Variants in CPQ observed in about 807,000 individuals in gnomAD.
CPQ encodes the protein carboxypeptidase Q.
CPQ carries 37 observed loss-of-function variants against 45.7 expected under a neutral mutation model. The observed-to-expected ratio is 0.81, with a 90% CI of 0.62 to 1.07. The LOEUF (loss-of-function observed/expected upper bound fraction) is 1.07. CPQ is among the 50% of genes least tolerant of loss of function. The probability of loss-of-function intolerance (pLI) is 0.00; values close to 1 mark genes in which losing one functional copy is unlikely to be tolerated. For synonymous variants in CPQ, 186 were observed against 205.8 expected, an observed-to-expected ratio of 0.90 and a Z score of 0.82; for missense variants, 537 against 572.9, an observed-to-expected ratio of 0.94 and a Z score of 0.64.
intron 1 of CPQ, among the ~76,000 whole-genome samples, chr8:96,686,744 CTT>C (rs1325379069): frequency 1.3e-5 from 2 of 151,950 alleles, no homozygotes; most frequent in East Asian, 3.9e-4. Flanking sequence ...CTCTACAACA[CTT>C]TGAATGGCAT....
At chr8:96,668,190 T>TA (rs1407870303) in intron 1 of CPQ, among the ~76,000 whole-genome samples, 1 of 152,238 alleles carries the variant, frequency 6.6e-6, no homozygotes, top group African/African-American at 2.4e-5. Flanking sequence ...TTCTAGGACA[T>TA]ATGGGTAACT....
chr8:97,069,513 T>G (rs993208016), intron 7 of CPQ, among the ~76,000 whole-genome samples: 1 of 151,460 alleles, frequency 6.6e-6, no homozygotes, highest in Non-Finnish European at 1.5e-5. Flanking sequence ...CATATTTGGG[T>G]TCTTCATCTT....
intron 5 of CPQ, among the ~76,000 whole-genome samples, chr8:96,996,596 T>G (rs1408145834): frequency 6.6e-6 from 1 of 152,056 alleles, no homozygotes; most frequent in Non-Finnish European, 1.5e-5. Context: ...GAAATATATT[T>G]TAGGAGTCAA....
intron 4 of CPQ, among the ~76,000 whole-genome samples, chr8:96,955,910 C>T (rs1813349637): frequency 6.6e-6 from 1 of 152,098 alleles, no homozygotes; most frequent in Non-Finnish European, 1.5e-5. Flanking sequence ...AGACCCAAAA[C>T]CATAAAAACC....
chr8:96,987,531 A>G (rs1472518322), intron 5 of CPQ, among the ~76,000 whole-genome samples: 1 of 152,196 alleles, frequency 6.6e-6, no homozygotes, highest in Non-Finnish European at 1.5e-5. Context: ...GAGGAGGGAC[A>G]TTTGGGATGC....
At chr8:97,030,776 TA>T (rs1441490573) in intron 6 of CPQ, among the ~76,000 whole-genome samples, 3 of 152,234 alleles carry the variant, frequency 2.0e-5, no homozygotes, top group Non-Finnish European at 4.4e-5. Context: ...CACTGACGAT[TA>T]ACTTGAATTA....
At chr8:97,043,960 T>C (rs945564110) in intron 6 of CPQ, among the ~76,000 whole-genome samples, 6 of 152,216 alleles carry the variant, frequency 3.9e-5, no homozygotes, top group Non-Finnish European at 8.8e-5. Context: ...CAATTATATG[T>C]CTTGGAGTTG....
In CPQ at chr8:96,954,313, G is replaced by A. The variant is rs1000450306; in HGVS notation, c.850-11622G>A. The stretch of plus-strand genomic sequence containing the variant: ...GATTATTCAACACATGGCTACAATC[G>A]ACTAATGAGATTTAACTGATTTAAT... On this transcript the variant is annotated intron_variant, in intron 4 of 7. Coordinates refer to ENST00000220763, the MANE Select transcript of CPQ (RefSeq NM_016134.4). Among the ~76,000 whole-genome samples, 7 of 151,498 alleles carry A rather than the reference G, an allele frequency of 4.6e-5. No individual in the cohort carries two copies. The South Asian group carries it at 8.3e-4, about 18-fold the overall frequency.
chr8:96,744,051 A>C (rs184388101), intron 1 of CPQ, among the ~76,000 whole-genome samples: 1 of 152,226 alleles, frequency 6.6e-6, no homozygotes, highest in East Asian at 1.9e-4. Context: ...AAGCCTGGGC[A>C]ATGGCGGGCG....
At chr8:97,128,029 T>C (rs999490368) in intron 7 of CPQ, among the ~76,000 whole-genome samples, 16 of 152,224 alleles carry the variant, frequency 1.1e-4, no homozygotes, top group African/African-American at 3.9e-4. Flanking sequence ...CACAGGTGTG[T>C]TCATTCGCCA....
chr8:96,694,427 T>C (rs1809344553), intron 1 of CPQ, among the ~76,000 whole-genome samples: 1 of 152,228 alleles, frequency 6.6e-6, no homozygotes, highest in African/African-American at 2.4e-5. Context: ...CAAATGGACC[T>C]AATAGAAATT....
At chr8:97,046,405 T>G (rs1470588971) in intron 6 of CPQ, among the ~76,000 whole-genome samples, 1 of 152,192 alleles carries the variant, frequency 6.6e-6, no homozygotes, top group South Asian at 2.1e-4. Context: ...TTCAGGGTTG[T>G]CTTAAAGGAG....
chr8:96,764,302 G>T (rs1350005162), intron 1 of CPQ, among the ~76,000 whole-genome samples: 1 of 152,128 alleles, frequency 6.6e-6, no homozygotes, highest in Non-Finnish European at 1.5e-5. Flanking sequence ...GATTCCATTT[G>T]TATCAAACTC....
intron 1 of CPQ, among the ~76,000 whole-genome samples, chr8:96,665,307 A>T (rs888446305): frequency 3.3e-5 from 5 of 152,206 alleles, no homozygotes; most frequent in African/African-American, 1.2e-4. Context: ...GTTACATATG[A>T]TACTATTACT....
chr8:97,142,408 T>C (rs1264049273), intron 7 of CPQ, among the ~76,000 whole-genome samples: 2 of 152,186 alleles, frequency 1.3e-5, no homozygotes, highest in East Asian at 3.9e-4. Context: ...GCTGGTGCCC[T>C]TGGAGGTTGC....
chr8:96,898,375 C>T (rs1289800350), intron 4 of CPQ, among the ~76,000 whole-genome samples: 1 of 152,094 alleles, frequency 6.6e-6, no homozygotes, highest in Non-Finnish European at 1.5e-5. Flanking sequence ...GTTAGTAGTC[C>T]TGGGGACAAT....
intron 1 of CPQ, among the ~76,000 whole-genome samples, chr8:96,705,174 T>C (rs917143239): frequency 6.6e-6 from 1 of 152,212 alleles, no homozygotes; most frequent in Non-Finnish European, 1.5e-5. Context: ...GTGGTTTTAT[T>C]GTCAATTGCC....
At chr8:96,772,603 G>C (rs1810557783) in intron 1 of CPQ, among the ~76,000 whole-genome samples, 3 of 152,130 alleles carry the variant, frequency 2.0e-5, no homozygotes, top group Admixed American at 2.0e-4. Context: ...TTAAAGGACA[G>C]ATGGGGGAAG....
At chr8:97,058,022 A>G (rs1412924787) in intron 6 of CPQ, among the ~76,000 whole-genome samples, 5 of 152,190 alleles carry the variant, frequency 3.3e-5, no homozygotes, top group African/African-American at 9.6e-5. Context: ...CTAAGAAAAT[A>G]TAATTATTTC....
Sources: allele counts gnomAD v4.1 joint callset (sites outside exome capture counted in the v4.1 genomes callset), GRCh38; gene constraint gnomAD v4.1.1; transcripts MANE v1.5; gene names NCBI Gene and HGNC (gene_info 2026-07-23, HGNC 2026-07-21).